Variants in FKBP5 observed in about 807,000 individuals in gnomAD.
FKBP5 encodes FKBP prolyl isomerase 5.
FKBP5 carries 23 observed loss-of-function variants against 50.5 expected under a neutral mutation model. The observed-to-expected ratio is 0.46, with a 90% CI of 0.33 to 0.65. The LOEUF (loss-of-function observed/expected upper bound fraction) is 0.65. Among genes scored for constraint, FKBP5 ranks in the 30% least tolerant of loss-of-function variants. The pLI is 0.02. For missense variants in FKBP5, 411 were observed against 553.1 expected (o/e 0.74, Z 2.58); for synonymous variants, 176 against 190.6 (o/e 0.92, Z 0.63).
chr6:35,684,368 A>G (rs981101413), intron 1 of FKBP5, among the ~76,000 whole-genome samples: 11 of 151,846 alleles, frequency 7.2e-5, no homozygotes, highest in Admixed American at 2.6e-4. Context: ...TGTAGAGAGG[A>G]GGTTTCACCA....
At chr6:35,640,725 T>A (rs1038020662) in intron 2 of FKBP5, among the ~76,000 whole-genome samples, 1 of 152,228 alleles carries the variant, frequency 6.6e-6, no homozygotes. Flanking sequence ...CCTTATTCTA[T>A]AAGCATTTTT....
At chr6:35,594,612 C>T (rs1051854929) in intron 6 of FKBP5, among the ~76,000 whole-genome samples, 2 of 152,078 alleles carry the variant, frequency 1.3e-5, no homozygotes, top group Admixed American at 6.6e-5. Flanking sequence ...TACACACACA[C>T]AGCATGCATA....
At chr6:35,626,069 G>A (rs1763991110) in intron 3 of FKBP5, among the ~76,000 whole-genome samples, 1 of 152,008 alleles carries the variant, frequency 6.6e-6, no homozygotes, top group Admixed American at 6.6e-5. Flanking sequence ...GTGAGCCACC[G>A]TGCCTGGCCA....
At chr6:35,655,001 C>G (rs574948014) in intron 1 of FKBP5, among the ~76,000 whole-genome samples, 65 of 151,970 alleles carry the variant, frequency 4.3e-4, no homozygotes, top group Non-Finnish European at 7.6e-4. Flanking sequence ...GCCTGAGTAA[C>G]ATAGTGAAAC....
intron 8 of FKBP5, 142 bp from the exon 9 acceptor site, chr6:35,580,363 T>TA: frequency 1.4e-6 from 1 of 706,090 alleles, no homozygotes; most frequent in Non-Finnish European, 2.4e-6. Flanking sequence ...GCTCTCCAGG[T>TA]ACCTTTCCCA....
At chr6:35,711,815 TA>T (rs1229717912) in intron 2 of FKBP5, among the ~76,000 whole-genome samples, 1 of 152,226 alleles carries the variant, frequency 6.6e-6, no homozygotes, top group Non-Finnish European at 1.5e-5. Flanking sequence ...AAAGTTGATT[TA>T]AAACACACAG....
At chr6:35,636,351 T>C (rs1298901476) in intron 3 of FKBP5, among the ~76,000 whole-genome samples, 1 of 152,224 alleles carries the variant, frequency 6.6e-6, no homozygotes, top group Non-Finnish European at 1.5e-5. Flanking sequence ...ACTCCATTCA[T>C]TCTCAGAAAA....
At position 35,577,251 on chromosome 6, in the gene FKBP5, A is replaced by G. The variant is rs547741786; in HGVS notation, c.1027-18T>C. ...CCAAGGGCCTAGGAATAGATGGTCT[A>G]TATTTTAGAAAGGACGAATTTTAAT... On this transcript the variant is annotated intron_variant, in intron 9 of 10. Transcript: ENST00000357266. 23 of 1,532,868 alleles carry G rather than the reference A, an allele frequency of 1.5e-5. No homozygotes were observed. Among genetic ancestry groups the G allele is most frequent in the East Asian group, 6.8e-5 (3 of 43,870 alleles). The allele number at this position is 1,532,868 out of a possible 1,614,324, so 95.0% of individuals were successfully genotyped here.
At chr6:35,642,670 C>A in intron 2 of FKBP5, 50 bp downstream of exon 2, 1 of 1,442,478 alleles carries the variant, frequency 6.9e-7, no homozygotes, top group Non-Finnish European at 9.7e-7. Flanking sequence ...ATGCTATAAT[C>A]TTTCCAGACA....
chr6:35,696,604 C>T (rs962488092), intron 2 of FKBP5, among the ~76,000 whole-genome samples: 1 of 151,876 alleles, frequency 6.6e-6, no homozygotes, highest in East Asian at 1.9e-4. Context: ...TAAGACTTAA[C>T]GTTGTTAAAA....
At chr6:35,671,639 T>C (rs1473256673) in intron 1 of FKBP5, among the ~76,000 whole-genome samples, 1 of 152,150 alleles carries the variant, frequency 6.6e-6, no homozygotes, top group Non-Finnish European at 1.5e-5. Flanking sequence ...AAACTTCATA[T>C]TCTAAGAATG....
At chr6:35,694,441 C>T (rs11969123) in intron 2 of FKBP5, among the ~76,000 whole-genome samples, 1 of 152,232 alleles carries the variant, frequency 6.6e-6, no homozygotes, top group Non-Finnish European at 1.5e-5. Flanking sequence ...GCCACCACTC[C>T]CTGCCCCATT....
chr6:35,716,224 T>C (rs145017542), intron 2 of FKBP5, among the ~76,000 whole-genome samples: 1 of 152,026 alleles, frequency 6.6e-6, no homozygotes, highest in Non-Finnish European at 1.5e-5. Context: ...TTTCTAAAAA[T>C]TAGCCGGGTA....
At chr6:35,631,638 C>T (rs193284891) in intron 3 of FKBP5, among the ~76,000 whole-genome samples, 2 of 152,142 alleles carry the variant, frequency 1.3e-5, no homozygotes, top group Admixed American at 1.3e-4. Context: ...CTAAATTATA[C>T]TAATTGTACA....
intron 8 of FKBP5, chr6:35,586,145 T>C: frequency 1.0e-6 from 1 of 984,932 alleles, no homozygotes; most frequent in Non-Finnish European, 1.2e-6. Flanking sequence ...CTGCTTGACA[T>C]GGAGAAGGCA....
intron 2 of FKBP5, among the ~76,000 whole-genome samples, chr6:35,696,677 C>A (rs1766088075): frequency 6.6e-6 from 1 of 152,134 alleles, no homozygotes; most frequent in Non-Finnish European, 1.5e-5. Flanking sequence ...TCTGAGATGA[C>A]TATTTTATAG....
intron 2 of FKBP5, among the ~76,000 whole-genome samples, chr6:35,703,154 G>A (rs1016311896): frequency 6.6e-6 from 1 of 152,018 alleles, no homozygotes; most frequent in African/African-American, 2.4e-5. Context: ...GGAGGCTGAG[G>A]CAGGAGAATT....
Position 35,620,279 on chromosome 6 carries a change from G to A in FKBP5, c.251-5C>T. 1 of 1,613,434 alleles carries A rather than the reference G, an allele frequency of 6.2e-7. No homozygotes were observed. Among genetic ancestry groups the A allele is most frequent in the Non-Finnish European group, 8.5e-7 (1 of 1,179,662 alleles). On this transcript the variant is annotated splice_polypyrimidine_tract_variant and splice_region_variant and intron_variant, in intron 3 of 10. Coordinates refer to ENST00000357266, the MANE Select transcript of FKBP5 (RefSeq NM_004117.4). The stretch of plus-strand genomic sequence containing the variant: ...CCCATGCCTTGATGACTTGGCCTAA[G>A]GGAAAGGAAAAGGTAGTTGAAAGCT...
At chr6:35,612,216 C>A (rs1763513221) in intron 5 of FKBP5, among the ~76,000 whole-genome samples, 1 of 152,062 alleles carries the variant, frequency 6.6e-6, no homozygotes, top group African/African-American at 2.4e-5. Context: ...CATGACGAAA[C>A]CCCGTCTTTG....
Sources: gnomAD v4.1 joint callset for allele counts (sites outside exome capture counted in the v4.1 genomes callset) on GRCh38, gnomAD v4.1.1 for gene constraint, MANE v1.5 for transcripts, NCBI Gene and HGNC (gene_info 2026-07-23, HGNC 2026-07-21) for gene names.